Variants in SSBP4 observed in about 807,000 individuals in gnomAD.
SSBP4 encodes the protein single-stranded DNA-binding protein 4.
A neutral mutation model predicts 64.6 loss-of-function variants in SSBP4; 33 were observed. The ratio of observed to expected loss-of-function variants is 0.51; its 90% CI spans 0.39 to 0.68. SSBP4 has a LOEUF of 0.68. Ranked by LOEUF, SSBP4 falls within the 30% of genes least tolerant of loss-of-function variation. The pLI is 0.00. For synonymous variants in SSBP4, 243 were observed against 224.0 expected (o/e 1.08, Z -0.76); for missense variants, 583 against 566.8 (o/e 1.03, Z -0.29).
rs1241466376 is a variant in SSBP4 at position 18,423,295 on chromosome 19, G to A, written c.59+3588G>A. Among the ~76,000 whole-genome samples, 2 of 152,204 alleles carry A rather than the reference G, an allele frequency of 1.3e-5. No homozygotes were observed. The highest frequency in any genetic ancestry group is 4.8e-5 in the African/African-American group (2 of 41,452). Reference sequence around the variant, plus strand: ...GGTGGCTTGTTCATCAGCCTGGCAGGTAAGCCAGGGATGGGATTCACGATT... The same window carrying A: ...GGTGGCTTGTTCATCAGCCTGGCAGATAAGCCAGGGATGGGATTCACGATT... On this transcript the variant is annotated intron_variant, in intron 1 of 17. Coordinates refer to ENST00000270061, the MANE Select transcript of SSBP4 (RefSeq NM_032627.5). The surrounding 1 kb of genome is among the most constrained non-coding windows in gnomAD (Gnocchi z 4.0).
chr19:18,402,813 C>A, the SSBP4 span, among the ~76,000 whole-genome samples: 2 of 152,200 alleles, frequency 1.3e-5, no homozygotes, highest in African/African-American at 2.4e-5. Flanking sequence ...TCCAAGATTT[C>A]TCCCCATGGG....
upstream of SSBP4, among the ~76,000 whole-genome samples, chr19:18,415,700 A>G (rs1156352059): frequency 3.3e-5 from 5 of 152,152 alleles, no homozygotes; most frequent in African/African-American, 9.7e-5. Context: ...GAAGCCAGAG[A>G]AAAAGCGTTC....
chr19:18,414,687 C>G (rs1972117678), upstream of SSBP4, among the ~76,000 whole-genome samples: 1 of 152,188 alleles, frequency 6.6e-6, no homozygotes. Flanking sequence ...TTTGGTTAAG[C>G]TTTGTGGAGG....
At chr19:18,404,039 C>G in the SSBP4 span, among the ~76,000 whole-genome samples, 1 of 151,862 alleles carries the variant, frequency 6.6e-6, no homozygotes, top group South Asian at 2.1e-4. Context: ...AGAGAGACAC[C>G]AGCCCGCCCC....
chr19:18,433,455 G>T (rs1205783402), intron 15 of SSBP4, 130 bp from the exon 16 acceptor site: 6 of 1,472,844 alleles, frequency 4.1e-6, no homozygotes, highest in Admixed American at 2.0e-5. Flanking sequence ...CAGTCCCGGG[G>T]TTCCTGGCGG....
In SSBP4 at chr19:18,432,581, T is replaced by A; in HGVS notation, c.727T>A (p.Trp243Arg). The change falls in exon 11 of 18, where the codon TGG (tryptophan) becomes AGG (arginine). Residue 243 changes from tryptophan to arginine, a missense_variant. Physicochemically the swap from Trp to Arg is moderately radical, Grantham distance 101 (BLOSUM62 -3). Around this residue, in one of 5 missense-constraint regions of SSBP4, gnomAD observed 444 missense variants for 386.6 expected, o/e 1.15. Coordinates refer to ENST00000270061, the MANE Select transcript of SSBP4 (RefSeq NM_032627.5). ...MNMGPGVRGP[W>R]ASPSGNSIPY... is the part of the protein sequence containing the mutation. Reference sequence around the variant, plus strand: ...CAGGGGCCCAGGAGTTCGTGGCCCGTGGGCCAGCCCCAGTGGAAACTCGGT... The same window carrying A: ...CAGGGGCCCAGGAGTTCGTGGCCCGAGGGCCAGCCCCAGTGGAAACTCGGT... 1 of 1,293,832 alleles carries A rather than the reference T, an allele frequency of 7.7e-7. No individual in the cohort carries two copies. Among genetic ancestry groups the A allele is most frequent in the Non-Finnish European group, 1.0e-6 (1 of 992,534 alleles). The allele number at this position is 1,293,832 out of a possible 1,614,324, so 80.1% of individuals were successfully genotyped here.
chr19:18,433,555 G>T (rs751904363), intron 15 of SSBP4, 30 bp from the exon 16 acceptor site: 1 of 1,547,352 alleles, frequency 6.5e-7, no homozygotes, highest in South Asian at 1.2e-5. Flanking sequence ...GCACGTCTGA[G>T]CCGGTGCCCG....
At chr19:18,431,968 G>A (rs1017598378) in intron 8 of SSBP4, 32 bp from the exon 9 acceptor site, 1 of 1,552,110 alleles carries the variant, frequency 6.4e-7, no homozygotes, top group Non-Finnish European at 8.7e-7. Context: ...AATGGTCCAG[G>A]TCCAAGTCCC....
the SSBP4 span, among the ~76,000 whole-genome samples, chr19:18,405,535 T>C: frequency 6.6e-6 from 1 of 151,476 alleles, no homozygotes; most frequent in Non-Finnish European, 1.5e-5. Flanking sequence ...ACAAGGTCTC[T>C]GTCCGACACC....
upstream of SSBP4, among the ~76,000 whole-genome samples, chr19:18,416,960 T>C (rs535041132): frequency 6.6e-6 from 1 of 152,294 alleles, no homozygotes; most frequent in African/African-American, 2.4e-5. Context: ...GCCCAGGCTG[T>C]GTTTGGAGAT....
At chr19:18,424,312 G>A (rs1261885517) in intron 1 of SSBP4, among the ~76,000 whole-genome samples, 2 of 152,158 alleles carry the variant, frequency 1.3e-5, no homozygotes, top group Non-Finnish European at 2.9e-5. Flanking sequence ...GGGGTGACTG[G>A]GGCCCAGGAT....
chr19:18,412,262 A>T, the SSBP4 span, among the ~76,000 whole-genome samples: 1 of 151,862 alleles, frequency 6.6e-6, no homozygotes, highest in African/African-American at 2.4e-5. Context: ...GGAGGTCAAG[A>T]CCAGCCTGGC....
rs377735423 is a variant in SSBP4, at chr19:18,427,363, C to T, written c.72C>T (p.Tyr24=). 9.9e-6 allele frequency: 16 copies of T among 1,610,592 alleles called. No homozygotes were observed. Among genetic ancestry groups the T allele is most frequent in the African/African-American group, 4.0e-5 (3 of 75,040 alleles). Reference sequence around the variant, plus strand: ...CTCGCCCCCACAGGTTGGCGCTGTACGTTTATGAGTACCTGCTGCACATCG... The same window carrying T: ...CTCGCCCCCACAGGTTGGCGCTGTATGTTTATGAGTACCTGCTGCACATCG... ...DSQAREKLAL[Y]VYEYLLHIGA... The change falls in exon 2 of 18, where the codon TAC becomes TAT. Residue 24 remains tyrosine (Y), a synonymous_variant. Transcript: ENST00000270061. This position sits in a 1 kb window ranked among gnomAD's most constrained non-coding sequence, Gnocchi z 4.4.
intron 1 of SSBP4, among the ~76,000 whole-genome samples, chr19:18,425,402 C>T (rs369285116): frequency 6.6e-6 from 1 of 152,186 alleles, no homozygotes; most frequent in Non-Finnish European, 1.5e-5. Flanking sequence ...TGGGAACTCT[C>T]TTCCACACCT....
chr19:18,433,861 G>A (rs1311310678), intron 17 of SSBP4, 44 bp downstream of exon 17: 4 of 1,203,090 alleles, frequency 3.3e-6, no homozygotes, highest in Admixed American at 8.5e-5. Flanking sequence ...GCGTCGGGCC[G>A]GAGGGGCTGG....
At position 18,426,665 on chromosome 19, in the gene SSBP4, G is replaced by A. The variant is rs1364580255; in HGVS notation, c.60-686G>A. On this transcript the variant is annotated intron_variant, in intron 1 of 17. Coordinates refer to ENST00000270061, the MANE Select transcript of SSBP4 (RefSeq NM_032627.5). The surrounding 1 kb of genome is among the most constrained non-coding windows in gnomAD (Gnocchi z 4.5). ...TGGGGTGCACAGTGGTTGGGAGGGT[G>A]AGTCCAGGGGTCCCTGGCAGGCTGG... is the stretch of plus-strand genomic sequence containing the variant. Among the ~76,000 whole-genome samples, 1 of 152,154 alleles carries A rather than the reference G, an allele frequency of 6.6e-6. No individual in the cohort carries two copies. Among genetic ancestry groups the A allele is most frequent in the African/African-American group, 2.4e-5 (1 of 41,436 alleles).
the SSBP4 span, among the ~76,000 whole-genome samples, chr19:18,408,528 T>C: frequency 6.6e-6 from 1 of 151,470 alleles, no homozygotes; most frequent in Non-Finnish European, 1.5e-5. Flanking sequence ...AGTACCGCTC[T>C]ATCTCCCAGG....
At chr19:18,434,000 C>G (rs906853619) in intron 17 of SSBP4, 183 bp downstream of exon 17, 65 of 1,214,384 alleles carry the variant, frequency 5.4e-5, no homozygotes, top group Non-Finnish European at 6.2e-5. Context: ...ACCTCCCGCT[C>G]CTATTTCACC....
In SSBP4 at chr19:18,426,308, G is replaced by A. The variant is rs991454857; in HGVS notation, c.60-1043G>A. ...GGAGGCGGCTGTGGAAGGGCCCCCAGGCCTGCCTGCTTCTCGCCTCTAGGG... is the reference window on the plus strand; with the variant it reads ...GGAGGCGGCTGTGGAAGGGCCCCCAAGCCTGCCTGCTTCTCGCCTCTAGGG... On this transcript the variant is annotated intron_variant, in intron 1 of 17. Coordinates refer to ENST00000270061, the MANE Select transcript of SSBP4 (RefSeq NM_032627.5). This position sits in a 1 kb window ranked among gnomAD's most constrained non-coding sequence, Gnocchi z 4.5. Among the ~76,000 whole-genome samples the A allele has an allele frequency of 6.6e-6, 1 of 152,176 alleles. No homozygotes were observed. The highest frequency in any genetic ancestry group is 2.4e-5 in the African/African-American group (1 of 41,438).
Sources: gnomAD v4.1 joint callset for allele counts (sites outside exome capture counted in the v4.1 genomes callset) on GRCh38, gnomAD v4.1.1 for gene constraint, gnomAD v4.1.1 regional missense constraint, Gnocchi (gnomAD v3.1) non-coding constraint, MANE v1.5 for transcripts, NCBI Gene and HGNC (gene_info 2026-07-23, HGNC 2026-07-21) for gene names.